NCAM2: variants seen among roughly 807,000 people sequenced by gnomAD.
NCAM2 encodes the protein N-CAM-2.
Under a neutral mutation model 98.1 loss-of-function variants are expected in NCAM2, and 30 were observed. The ratio of observed to expected loss-of-function variants is 0.31; its 90% CI spans 0.23 to 0.41. The LOEUF is 0.41. Among genes scored for constraint, NCAM2 ranks in the 10% least tolerant of loss-of-function variants. The pLI, the probability that NCAM2 is intolerant of heterozygous loss-of-function variation, is 1.00. For missense variants in NCAM2, 867 were observed against 1,005.8 expected (o/e 0.86, Z 1.87); for synonymous variants, 368 against 342.4 (o/e 1.07, Z -0.83).
Position 21,449,059 on chromosome 21 carries a change from G to A in NCAM2, c.1654+16778G>A, listed in dbSNP as rs148796783. On this transcript the variant is annotated intron_variant, in intron 12 of 17. Coordinates refer to ENST00000400546, the MANE Select transcript of NCAM2 (RefSeq NM_004540.5). ...CAATTTTAGGTAAAATTACTTGTCT[G>A]CTAGAAACCTCCTCACTTATCTTAA... Among the ~76,000 whole-genome samples, 1,110 of 152,124 alleles carry A rather than the reference G, an allele frequency of 7.3e-3. 10 individuals carry two copies. Among genetic ancestry groups the A allele is most frequent in the African/African-American group, 0.026 (1,065 of 41,516 alleles).
At chr21:21,173,398 G>A (rs975738590) in intron 1 of NCAM2, among the ~76,000 whole-genome samples, 4 of 151,896 alleles carry the variant, frequency 2.6e-5, no homozygotes, top group South Asian at 2.1e-4. Context: ...TTTTTTTTCC[G>A]TTTCATTTAT....
At chr21:21,302,595 A>G (rs1028507186) in intron 5 of NCAM2, among the ~76,000 whole-genome samples, 1 of 152,152 alleles carries the variant, frequency 6.6e-6, no homozygotes, top group African/African-American at 2.4e-5. Flanking sequence ...TAAAAAGTCA[A>G]AAAAGCAACA....
chr21:21,354,515 T>C (rs557665627), intron 8 of NCAM2, among the ~76,000 whole-genome samples: 1 of 152,306 alleles, frequency 6.6e-6, no homozygotes, highest in South Asian at 2.1e-4. Context: ...ATACAAAATA[T>C]ACAGTACAAT....
At chr21:21,278,082 T>C (rs1362500288) in intron 1 of NCAM2, among the ~76,000 whole-genome samples, 1 of 152,098 alleles carries the variant, frequency 6.6e-6, no homozygotes, top group Admixed American at 6.6e-5. Flanking sequence ...AAGTACAGTT[T>C]TAGGGGAAAT....
chr21:21,504,271 TCA>T (rs1987828105), intron 15 of NCAM2, among the ~76,000 whole-genome samples: 1 of 151,996 alleles, frequency 6.6e-6, no homozygotes, highest in South Asian at 2.1e-4. Context: ...TCTCTGGATC[TCA>T]GTTTTCTTTT....
intron 12 of NCAM2, among the ~76,000 whole-genome samples, chr21:21,464,101 T>C (rs570320131): frequency 6.6e-6 from 1 of 152,238 alleles, no homozygotes; most frequent in East Asian, 1.9e-4. Flanking sequence ...TTGCCTTGTA[T>C]TAAGAAATAC....
chr21:21,346,550 G>A (rs1412989317), intron 8 of NCAM2, among the ~76,000 whole-genome samples: 3 of 152,000 alleles, frequency 2.0e-5, no homozygotes, highest in Non-Finnish European at 4.4e-5. Context: ...GATGTTTATA[G>A]AACATTTCAT....
At chr21:21,262,846 A>C (rs139697061) in intron 1 of NCAM2, among the ~76,000 whole-genome samples, 20 of 152,032 alleles carry the variant, frequency 1.3e-4, no homozygotes, top group East Asian at 7.7e-4. Context: ...GTGAAAGTCA[A>C]GTCTCAGATG....
intron 10 of NCAM2, among the ~76,000 whole-genome samples, chr21:21,413,144 T>C (rs2145929719): frequency 6.6e-6 from 1 of 152,294 alleles, no homozygotes; most frequent in African/African-American, 2.4e-5. Context: ...ATCAAAACTT[T>C]ATTTTTTTAA....
chr21:21,041,973 TAACAG>T (rs1306038507), intron 1 of NCAM2, among the ~76,000 whole-genome samples: 1 of 152,182 alleles, frequency 6.6e-6, no homozygotes, highest in Non-Finnish European at 1.5e-5. Flanking sequence ...AACCAATTTG[TAACAG>T]GTTGAATGAC....
intron 9 of NCAM2, among the ~76,000 whole-genome samples, chr21:21,399,125 A>G (rs1209070490): frequency 1.3e-5 from 2 of 152,220 alleles, no homozygotes; most frequent in African/African-American, 4.8e-5. Context: ...TCTTTGGTCA[A>G]GTCACAATGC....
At chr21:21,376,430 G>A (rs543299535) in intron 9 of NCAM2, among the ~76,000 whole-genome samples, 11 of 151,876 alleles carry the variant, frequency 7.2e-5, no homozygotes, top group African/African-American at 2.4e-4. Context: ...TTTATTAGAA[G>A]TCTACCATCA....
At chr21:21,463,275 A>G (rs764213534) in intron 12 of NCAM2, among the ~76,000 whole-genome samples, 4 of 152,122 alleles carry the variant, frequency 2.6e-5, no homozygotes, top group South Asian at 4.1e-4. Flanking sequence ...GCCTCCTCCA[A>G]ATCTTTTCCC....
rs1351345595 is a variant in NCAM2, at chr21:21,508,925, G to C, written c.2152G>C (p.Val718Leu). 2.5e-6 allele frequency: 4 copies of C among 1,597,994 alleles called. No homozygotes were observed. In the Admixed American group the frequency reaches 6.9e-5, roughly 27 times the overall value. ...TGCTGCACTGCTGCTAATTCTTGTG[G>C]TAACAGACGTCAGCTGCTTCTTTAT... ...GVAALLLILV[V>L]TDVSCFFIRQ... The change falls in exon 16 of 18, where the codon GTA (valine) becomes CTA (leucine). Residue 718 changes from valine (V) to leucine (L), a missense_variant. Transcript: ENST00000400546.
chr21:21,534,005 T>C (rs1989850963), intron 16 of NCAM2, among the ~76,000 whole-genome samples: 1 of 152,028 alleles, frequency 6.6e-6, no homozygotes, highest in African/African-American at 2.4e-5. Flanking sequence ...AGATCTTTCA[T>C]ACAAATGGAT....
intron 1 of NCAM2, among the ~76,000 whole-genome samples, chr21:21,168,851 G>A (rs905321329): frequency 6.6e-6 from 1 of 152,072 alleles, no homozygotes; most frequent in Non-Finnish European, 1.5e-5. Context: ...AATATTGTCA[G>A]GATGCCAGTT....
intron 1 of NCAM2, among the ~76,000 whole-genome samples, chr21:21,158,179 A>G (rs1268114197): frequency 6.6e-6 from 1 of 152,236 alleles, no homozygotes; most frequent in Non-Finnish European, 1.5e-5. Context: ...TATGGAATAT[A>G]GTGTGTACTG....
intron 1 of NCAM2, among the ~76,000 whole-genome samples, chr21:21,199,221 G>A (rs1601625304): frequency 1.3e-5 from 2 of 152,122 alleles, no homozygotes; most frequent in East Asian, 3.9e-4. Flanking sequence ...GTCTTTCATT[G>A]CAAAATGTTT....
intron 12 of NCAM2, among the ~76,000 whole-genome samples, chr21:21,462,371 C>T (rs1254821684): frequency 1.3e-5 from 2 of 151,990 alleles, no homozygotes; most frequent in Non-Finnish European, 2.9e-5. Context: ...TAGAATTTTG[C>T]TGAGCTTAAT....
Sources: allele counts gnomAD v4.1 joint callset (sites outside exome capture counted in the v4.1 genomes callset), GRCh38; gene constraint gnomAD v4.1.1; transcripts MANE v1.5; gene names NCBI Gene and HGNC (gene_info 2026-07-23, HGNC 2026-07-21).